Variants in TAS2R30 observed in about 807,000 individuals in gnomAD.
The protein encoded by TAS2R30 is taste 2 receptor member 30.
For missense variants in TAS2R30, 395 were observed against 371.6 expected, an observed-to-expected ratio of 1.06 and a Z score of -0.52; for synonymous variants, 141 against 131.6, an observed-to-expected ratio of 1.07 and a Z score of -0.49.
At chr12:11,133,917 T>G in exon 1 of TAS2R30, 1 of 1,614,118 alleles carries the variant, frequency 6.2e-7, no homozygotes, top group Non-Finnish European at 8.5e-7. Flanking sequence ...AAATTGGCAA[T>G]CCTGAGCAAA....
rs1352626198 is a variant in TAS2R30, at chr12:11,133,179, T to A, written c.*106A>T. ...TGTACTTTTCTAGACTAACTTTAGG[T>A]AAAAGACTTTTCTAGGTATACATGT... is the stretch of plus-strand genomic sequence containing the variant. On this transcript the variant is annotated 3_prime_UTR_variant, in exon 1 of 1. Coordinates refer to ENST00000539585, the Ensembl canonical transcript of TAS2R30. 5 of 1,419,184 alleles carry A rather than the reference T, an allele frequency of 3.5e-6. No homozygotes were observed. In the African/African-American group the frequency reaches 5.8e-5, roughly 16 times the overall value. The allele number at this position is 1,419,184 out of a possible 1,614,324, so 87.9% of individuals were successfully genotyped here. A position where few individuals can be genotyped will look rare whatever the true frequency, so the allele number is the denominator to read the frequency against.
At chr12:11,134,110 G>C in exon 1 of TAS2R30, 1 of 1,614,108 alleles carries the variant, frequency 6.2e-7, no homozygotes, top group South Asian at 1.1e-5. Flanking sequence ...TGAGAATTTG[G>C]TCAACAAAGG....
In TAS2R30 at chr12:11,134,160, A is replaced by G. The variant is rs752271368; in HGVS notation, c.85T>C (p.Leu29=). Residue 29 remains leucine (L), a synonymous_variant, in exon 1 of 1, where the codon TTG becomes CTG. Coordinates refer to ENST00000539585, the Ensembl canonical transcript of TAS2R30. Reference sequence around the variant, plus strand: ...TTGACCCACTCAATGGAATTTACCAATGCTATGAAGCCATTAGCAAAATTT... The same window carrying G: ...TTGACCCACTCAATGGAATTTACCAGTGCTATGAAGCCATTAGCAAAATTT... The G allele has an allele frequency of 8.1e-6, 13 of 1,613,972 alleles. No individual in the cohort carries two copies. The African/African-American group carries it at 1.6e-4, about 20-fold the overall frequency.
At chr12:11,133,362 G>C in exon 1 of TAS2R30, 6 of 1,610,092 alleles carry the variant, frequency 3.7e-6, no homozygotes, top group Non-Finnish European at 5.1e-6. Flanking sequence ...CTCACATGCC[G>C]CAAAACTGAA....
rs199516666 is a variant in TAS2R30 at position 11,133,589 on chromosome 12, G to A, written c.656C>T (p.Pro219Leu). ...AGCTTTTATGTGGACCTTGGTGCTG[G>A]GATCTTGAGATCCTTTGCCATGGAG... Residue 219 changes from proline (P) to leucine (L), a missense_variant, in exon 1 of 1, where the codon CCC becomes CTC. By Grantham distance (98) the Pro-to-Leu change is moderately conservative. Coordinates refer to ENST00000539585, the Ensembl canonical transcript of TAS2R30. 6 of 1,614,112 alleles carry A rather than the reference G, an allele frequency of 3.7e-6. No homozygotes were observed. The African/African-American group carries it at 5.3e-5, about 14-fold the overall frequency.
chr12:11,133,847 A>G (rs1318292407), exon 1 of TAS2R30: 9 of 1,614,170 alleles, frequency 5.6e-6, no homozygotes, highest in Non-Finnish European at 7.6e-6. Context: ...AGGCCCCAAC[A>G]GTATCACCAG....
chr12:11,133,363 C>T, exon 1 of TAS2R30: 1 of 1,613,782 alleles, frequency 6.2e-7, no homozygotes, highest in Non-Finnish European at 8.5e-7. Context: ...TCACATGCCG[C>T]AAAACTGAAA....
At position 11,134,274 on chromosome 12, in the gene TAS2R30, A is replaced by C; in HGVS notation, c.-30T>G. ...GAACAGACAAAAAGAAATTTTTAAAATGCTGGTGTAATATCACTGGTTGTG... is the reference window on the plus strand; with the variant it reads ...GAACAGACAAAAAGAAATTTTTAAACTGCTGGTGTAATATCACTGGTTGTG... On this transcript the variant is annotated 5_prime_UTR_variant, in exon 1 of 1. Transcript: ENST00000539585. 3 of 1,576,574 alleles carry C rather than the reference A, an allele frequency of 1.9e-6. No homozygotes were observed. The African/African-American group carries it at 4.1e-5, about 21-fold the overall frequency.
Position 11,133,893 on chromosome 12 carries a change from A to G in TAS2R30, c.352T>C (p.Phe118Leu), listed in dbSNP as rs758172544. The G allele has an allele frequency of 4.3e-6, 7 of 1,614,054 alleles. No individual in the cohort carries two copies. The highest frequency in any genetic ancestry group is 1.7e-5 in the Admixed American group (1 of 59,996). ...TTAACTCTCCTCTTTATGCGAAGAA[A>G]AATAAGGTTGGAGAAATTGGCAATC... is the stretch of plus-strand genomic sequence containing the variant. Residue 118 changes from phenylalanine to leucine, a missense_variant, in exon 1 of 1, where the codon TTT becomes CTT. By Grantham distance (22) the Phe-to-Leu change is conservative. Coordinates refer to ENST00000539585, the Ensembl canonical transcript of TAS2R30.
exon 1 of TAS2R30, chr12:11,134,353 C>G: frequency 8.4e-7 from 1 of 1,191,562 alleles, no homozygotes; most frequent in Non-Finnish European, 1.1e-6. Flanking sequence ...TGTGTATGTG[C>G]TGTGACATTC....
At chr12:11,133,323 G>A (rs761429313) in exon 1 of TAS2R30, 1 of 1,613,684 alleles carries the variant, frequency 6.2e-7, no homozygotes, top group South Asian at 1.1e-5. Flanking sequence ...AATCTATGGA[G>A]ACGAAGGCTT....
chr12:11,133,936 G>C lies in TAS2R30; in HGVS notation c.309C>G (p.Ser103Arg), dbSNP rs1946464893. The C allele has an allele frequency of 1.9e-6, 3 of 1,614,008 alleles. No individual in the cohort carries two copies. The Admixed American group carries it at 5.0e-5, about 27-fold the overall frequency. ...TGGCAATCCTGAGCAAATAAAACAT[G>C]CTGAGGCTAGTAGCAAGCCAGCTGC... The change falls in exon 1 of 1, where the codon AGC becomes AGG. Residue 103 changes from serine (S) to arginine (R), a missense_variant. By Grantham distance (110) the Ser-to-Arg change is moderately radical (BLOSUM62 -1). Coordinates refer to ENST00000539585, the Ensembl canonical transcript of TAS2R30.
Position 11,134,015 on chromosome 12 carries a change from C to T in TAS2R30, c.230G>A (p.Ser77Asn), listed in dbSNP as rs753995573. ...ATAAGCAGTAATTCTTACTTCTACA[C>T]TATAAAAAGCTGGATTCAACTGAGT... Residue 77 changes from serine (S) to asparagine (N), a missense_variant, in exon 1 of 1, where the codon AGT becomes AAT. Physicochemically the swap from Ser to Asn is conservative, Grantham distance 46 (BLOSUM62 1). Transcript: ENST00000539585. 10 of 1,614,084 alleles carry T rather than the reference C, an allele frequency of 6.2e-6. No homozygotes were observed. In the Admixed American group the frequency reaches 1.5e-4, roughly 24 times the overall value.
exon 1 of TAS2R30, chr12:11,133,106 T>C (rs1469984546): frequency 2.2e-5 from 15 of 678,776 alleles, no homozygotes; most frequent in Admixed American, 4.1e-5. Context: ...TTGTCAATGT[T>C]CTTCAGTTTT....
Sources: allele counts gnomAD v4.1 joint callset, GRCh38; gene constraint gnomAD v4.1.1; transcripts MANE v1.5; gene names NCBI Gene and HGNC (gene_info 2026-07-23, HGNC 2026-07-21).